Variants in DERA observed in about 807,000 individuals in gnomAD.
DERA encodes the protein deoxyribose-phosphate aldolase.
Under a neutral mutation model 41.1 loss-of-function variants are expected in DERA, and 15 were observed. The observed-to-expected ratio is 0.37, with a 90% CI of 0.24 to 0.56. DERA has a LOEUF of 0.56. DERA is among the 20% of genes least tolerant of loss of function. DERA has a pLI of 0.81. For synonymous variants in DERA, 139 were observed against 137.4 expected (o/e 1.01, Z -0.08); for missense variants, 396 against 403.4 (o/e 0.98, Z 0.16).
Position 15,924,314 on chromosome 12 carries a change from T to C in DERA, c.31+12900T>C, listed in dbSNP as rs1272136540. 6.6e-6 allele frequency among the ~76,000 whole-genome samples: 1 copy of C among 152,152 alleles called. No individual in the cohort carries two copies. The highest frequency in any genetic ancestry group is 2.1e-4 in the South Asian group (1 of 4,828). ...GTATGCCGCTATGGTCACAGCTACC[T>C]TGGAAACTGAGGCGGGACAAGGTTA... On this transcript the variant is annotated intron_variant, in intron 1 of 8. Coordinates refer to ENST00000428559, the MANE Select transcript of DERA (RefSeq NM_015954.4). This position sits in a 1 kb window ranked among gnomAD's most constrained non-coding sequence, Gnocchi z 5.0.
chr12:15,939,403 C>T (rs1948393767), intron 1 of DERA, among the ~76,000 whole-genome samples: 2 of 152,070 alleles, frequency 1.3e-5, no homozygotes, highest in South Asian at 4.2e-4. Context: ...TGTTATGTAA[C>T]AAAAGACAGT....
At chr12:15,968,530 A>G (rs1022177110) in intron 5 of DERA, among the ~76,000 whole-genome samples, 2 of 152,228 alleles carry the variant, frequency 1.3e-5, no homozygotes, top group Non-Finnish European at 2.9e-5. Context: ...CAAATGCACC[A>G]TGGGGTAAGA....
Position 16,036,416 on chromosome 12 carries a change from CA to C in DERA, c.900+37del. On this transcript the variant is annotated intron_variant, in intron 8 of 8. Transcript: ENST00000428559. This position sits in a 1 kb window ranked among gnomAD's most constrained non-coding sequence, Gnocchi z 4.9. ...CATCTCTGTCTTTGGAATAAATTAA[CA>C]AGTGTTTTTTGAGAAAGGAATTGAA... 3 of 1,553,676 alleles carry C rather than the reference CA, an allele frequency of 1.9e-6. No homozygotes were observed. Among genetic ancestry groups the C allele is most frequent in the Non-Finnish European group, 2.6e-6 (3 of 1,153,476 alleles).
chr12:16,023,969 A>G (rs917683928), intron 6 of DERA, among the ~76,000 whole-genome samples: 4 of 152,242 alleles, frequency 2.6e-5, no homozygotes, highest in African/African-American at 9.6e-5. Flanking sequence ...TTGAAAGGAA[A>G]TGCTAGAAAT....
rs975329745 is a variant in DERA, at chr12:15,981,677, G to A, written c.509-631G>A. On this transcript the variant is annotated intron_variant, in intron 5 of 8. Transcript: ENST00000428559. The surrounding 1 kb of genome is among the most constrained non-coding windows in gnomAD (Gnocchi z 6.1). Reference sequence around the variant, plus strand: ...GCCAGATGTGGTACTGGGGTCATGGGCTCAGGGGTTAACAGATTTAAGGCA... The same window carrying A: ...GCCAGATGTGGTACTGGGGTCATGGACTCAGGGGTTAACAGATTTAAGGCA... Among the ~76,000 whole-genome samples, 10 of 152,176 alleles carry A rather than the reference G, an allele frequency of 6.6e-5. No homozygotes were observed. Among genetic ancestry groups the A allele is most frequent in the Non-Finnish European group, 1.5e-4 (10 of 68,038 alleles).
rs183744967 is a variant in DERA, at chr12:15,993,603, T to C, written c.637+11167T>C. Among the ~76,000 whole-genome samples the C allele has an allele frequency of 3.9e-5, 6 of 152,238 alleles. No individual in the cohort carries two copies. The highest frequency in any genetic ancestry group is 2.1e-4 in the South Asian group (1 of 4,816). The stretch of plus-strand genomic sequence containing the variant: ...GGAAAGCATAAGACCATAGTTTGTA[T>C]TGGGTTAAGAGATAAAAGATTTAAA... On this transcript the variant is annotated intron_variant, in intron 6 of 8. Coordinates refer to ENST00000428559, the MANE Select transcript of DERA (RefSeq NM_015954.4). The surrounding 1 kb of genome is among the most constrained non-coding windows in gnomAD (Gnocchi z 4.4).
rs1020529617 is a variant in DERA, at chr12:15,965,078, A to G, written c.508+2131A>G. Among the ~76,000 whole-genome samples the G allele has an allele frequency of 6.6e-6, 1 of 152,040 alleles. No homozygotes were observed. Among genetic ancestry groups the G allele is most frequent in the Admixed American group, 6.5e-5 (1 of 15,270 alleles). ...ATGACTTAGGACTTTTTGCTGCAAT[A>G]TTTTGTCTTAATTTTGATTCTCAAT... On this transcript the variant is annotated intron_variant, in intron 5 of 8. Coordinates refer to ENST00000428559, the MANE Select transcript of DERA (RefSeq NM_015954.4). The surrounding 1 kb of genome is among the most constrained non-coding windows in gnomAD (Gnocchi z 4.1).
rs10846252 is a variant in DERA, at chr12:15,928,707, G to A, written c.31+17293G>A. ...TGTCTGGGAGAAGAATAGAAAATTC[G>A]GCTCTCACTAAAGTGTGAAAGCCTA... is the stretch of plus-strand genomic sequence containing the variant. On this transcript the variant is annotated intron_variant, in intron 1 of 8. Coordinates refer to ENST00000428559, the MANE Select transcript of DERA (RefSeq NM_015954.4). The surrounding 1 kb of genome is among the most constrained non-coding windows in gnomAD (Gnocchi z 4.6). Among the ~76,000 whole-genome samples the A allele has an allele frequency of 0.27, 41,482 of 152,008 alleles. 5,921 individuals are homozygous for A. Among genetic ancestry groups the A allele is most frequent in the Admixed American group, 0.36 (5,522 of 15,274 alleles).
chr12:16,003,730 TC>T lies in DERA; in HGVS notation c.637+21296del, dbSNP rs1012946907. On this transcript the variant is annotated intron_variant, in intron 6 of 8. Coordinates refer to ENST00000428559, the MANE Select transcript of DERA (RefSeq NM_015954.4). This position sits in a 1 kb window ranked among gnomAD's most constrained non-coding sequence, Gnocchi z 4.8. ...TTTCTGGCTCATGAGTGAGAAGTAT[TC>T]CTCCTTAGTTGTGCCTGAGAAGCTC... Among the ~76,000 whole-genome samples, 85 of 152,218 alleles carry T rather than the reference TC, an allele frequency of 5.6e-4. No homozygotes were observed. The highest frequency in any genetic ancestry group is 2.0e-3 in the African/African-American group (81 of 41,528).
rs1442155737 is a variant in DERA at position 15,954,361 on chromosome 12, T to C, written c.32-2575T>C. The stretch of plus-strand genomic sequence containing the variant: ...AAACATTTGGACACATCAGTGGCAT[T>C]CTGAGTGAAGGGGATGTACTAAAGG... On this transcript the variant is annotated intron_variant, in intron 1 of 8. Coordinates refer to ENST00000428559, the MANE Select transcript of DERA (RefSeq NM_015954.4). The surrounding 1 kb of genome is among the most constrained non-coding windows in gnomAD (Gnocchi z 4.0). 6.6e-6 allele frequency among the ~76,000 whole-genome samples: 1 copy of C among 152,150 alleles called. No individual in the cohort carries two copies.
intron 6 of DERA, among the ~76,000 whole-genome samples, chr12:16,002,947 T>G (rs138660327): frequency 6.6e-6 from 1 of 152,344 alleles, no homozygotes; most frequent in African/African-American, 2.4e-5. Flanking sequence ...ATGACCTAAC[T>G]GTAGTCTTTG....
chr12:15,961,477 AC>A (rs1420895089), intron 4 of DERA, among the ~76,000 whole-genome samples: 1 of 152,144 alleles, frequency 6.6e-6, no homozygotes, highest in East Asian at 1.9e-4. Context: ...GAAGTTTGAG[AC>A]CAGTGTGGGC....
intron 6 of DERA, among the ~76,000 whole-genome samples, chr12:16,006,044 A>C (rs1202551369): frequency 6.6e-6 from 1 of 152,230 alleles, no homozygotes; most frequent in Admixed American, 6.5e-5. Context: ...GCCTATTAAA[A>C]GTTAAGTCTA....
intron 4 of DERA, among the ~76,000 whole-genome samples, chr12:15,961,021 T>C (rs1236404289): frequency 6.6e-6 from 1 of 152,188 alleles, no homozygotes; most frequent in Non-Finnish European, 1.5e-5. Context: ...ATTTGGCCTG[T>C]ATTCTGATGA....
At chr12:16,025,638 A>T (rs1949048458) in intron 6 of DERA, among the ~76,000 whole-genome samples, 1 of 152,136 alleles carries the variant, frequency 6.6e-6, no homozygotes, top group Non-Finnish European at 1.5e-5. Flanking sequence ...TTAGTCACTG[A>T]TGGCTGAAGC....
At chr12:15,930,089 G>C (rs1452595038) in intron 1 of DERA, among the ~76,000 whole-genome samples, 1 of 152,158 alleles carries the variant, frequency 6.6e-6, no homozygotes, top group Non-Finnish European at 1.5e-5. Context: ...AGCAGTTGGC[G>C]TGGTGCCTAG....
chr12:16,005,657 C>G (rs537501177), intron 6 of DERA, among the ~76,000 whole-genome samples: 1 of 152,130 alleles, frequency 6.6e-6, no homozygotes, highest in Admixed American at 6.5e-5. Flanking sequence ...TCACAGTGCA[C>G]AGGCATTTAG....
rs899778824 is a variant in DERA at position 16,000,319 on chromosome 12, A to G, written c.637+17883A>G. On this transcript the variant is annotated intron_variant, in intron 6 of 8. Coordinates refer to ENST00000428559, the MANE Select transcript of DERA (RefSeq NM_015954.4). The surrounding 1 kb of genome is among the most constrained non-coding windows in gnomAD (Gnocchi z 4.8). ...TTCTGTTCTTGCAACAAGGAAAAAC[A>G]TAGTAACGTTTTTAAGGAAATCTGA... 3.3e-5 allele frequency among the ~76,000 whole-genome samples: 5 copies of G among 152,218 alleles called. No homozygotes were observed. The highest frequency in any genetic ancestry group is 9.6e-5 in the African/African-American group (4 of 41,458).
At chr12:15,991,718 C>T (rs1480165511) in intron 6 of DERA, among the ~76,000 whole-genome samples, 1 of 152,122 alleles carries the variant, frequency 6.6e-6, no homozygotes, top group Non-Finnish European at 1.5e-5. Flanking sequence ...GATCTATGCA[C>T]ATTTACATTT....
Sources: allele counts gnomAD v4.1 joint callset (sites outside exome capture counted in the v4.1 genomes callset), GRCh38; gene constraint gnomAD v4.1.1; non-coding constraint Gnocchi (gnomAD v3.1); transcripts MANE v1.5; gene names NCBI Gene and HGNC (gene_info 2026-07-23, HGNC 2026-07-21).